Variants in RRM1 observed in about 807,000 individuals in gnomAD.
RRM1 encodes ribonucleoside-diphosphate reductase large subunit.
RRM1 carries 19 observed loss-of-function variants against 101.5 expected under a neutral mutation model. That is an observed-to-expected ratio of 0.19 (90% confidence interval 0.13 to 0.27). RRM1 has a LOEUF of 0.27. Ranked by LOEUF, RRM1 falls within the 10% of genes least tolerant of loss-of-function variation. RRM1 has a pLI of 1.00. For synonymous variants in RRM1, 298 were observed against 323.4 expected, an observed-to-expected ratio of 0.92 and a Z score of 0.84; for missense variants, 500 against 962.9, an observed-to-expected ratio of 0.52 and a Z score of 6.36.
At chr11:4,121,463 C>A in intron 9 of RRM1, 141 bp from the exon 10 acceptor site, 5 of 515,062 alleles carry the variant, frequency 9.7e-6, no homozygotes, top group Middle Eastern at 5.3e-4. Flanking sequence ...GGAAAACTTA[C>A]ACTTTTATAA....
chr11:4,128,359 G>C (rs901158758), intron 14 of RRM1, among the ~76,000 whole-genome samples: 4 of 152,110 alleles, frequency 2.6e-5, no homozygotes, highest in African/African-American at 9.7e-5. Context: ...TGATCCGCCT[G>C]CCTTGGCCTC....
At chr11:4,095,655 C>T (rs528942051) in intron 1 of RRM1, among the ~76,000 whole-genome samples, 209 of 152,298 alleles carry the variant, frequency 1.4e-3, no homozygotes, top group Non-Finnish European at 2.5e-3. Context: ...GGAAGAGATG[C>T]TGAATCAGAG....
At chr11:4,109,959 T>G (rs73419262) in intron 5 of RRM1, among the ~76,000 whole-genome samples, 2,085 of 152,256 alleles carry the variant, frequency 0.014, 42 homozygotes, top group African/African-American at 0.047. Flanking sequence ...CCATAAGTAT[T>G]TCATAACATT....
At chr11:4,099,993 T>A (rs2094548980) in intron 1 of RRM1, among the ~76,000 whole-genome samples, 1 of 152,332 alleles carries the variant, frequency 6.6e-6, no homozygotes, top group South Asian at 2.1e-4. Flanking sequence ...GCTTTGCAGT[T>A]ACCTGCCTGC....
intron 2 of RRM1, among the ~76,000 whole-genome samples, chr11:4,103,930 C>G (rs1259021350): frequency 7.1e-6 from 1 of 141,594 alleles, no homozygotes; most frequent in African/African-American, 2.7e-5. Context: ...TGTGCCTGCC[C>G]TCAACCCTGT....
chr11:4,121,337 C>T (rs2094581556), intron 9 of RRM1, among the ~76,000 whole-genome samples: 1 of 152,144 alleles, frequency 6.6e-6, no homozygotes, highest in Admixed American at 6.5e-5. Context: ...AGAGGAGGCT[C>T]CATCTGTAGT....
rs1010821862 is a variant in RRM1, at chr11:4,094,881, C to T, written c.-132C>T. 2.2e-6 allele frequency: 2 copies of T among 928,034 alleles called. No individual in the cohort carries two copies. Among genetic ancestry groups the T allele is most frequent in the East Asian group, 2.7e-5 (1 of 37,726 alleles). The allele number at this position is 928,034 out of a possible 1,614,324, so 57.5% of individuals were successfully genotyped here. On this transcript the variant is annotated 5_prime_UTR_variant, in exon 1 of 19. Coordinates refer to ENST00000300738, the MANE Select transcript of RRM1 (RefSeq NM_001033.5). ...GCTCTGAAGAAAGTGCTGTCTGGCTCCAACTCCAGTTCTTTCCCCTGAGCA... is the reference window on the plus strand; with the variant it reads ...GCTCTGAAGAAAGTGCTGTCTGGCTTCAACTCCAGTTCTTTCCCCTGAGCA...
intron 14 of RRM1, among the ~76,000 whole-genome samples, chr11:4,128,129 T>C (rs1018268352): frequency 1.5e-4 from 22 of 151,614 alleles, no homozygotes; most frequent in African/African-American, 5.3e-4. Flanking sequence ...TAGGTCCACA[T>C]AGGATAATGT....
chr11:4,099,324 G>GTTTTTT (rs1390618477), intron 1 of RRM1: 1 of 11,944 alleles, frequency 8.4e-5, no homozygotes, highest in Non-Finnish European at 1.9e-4. Flanking sequence ...TGTATTTTTA[G>GTTTTTT]TAGAGATGGG....
intron 8 of RRM1, 45 bp downstream of exon 8, chr11:4,118,506 A>G (rs544423089): frequency 6.2e-7 from 1 of 1,609,434 alleles, no homozygotes; most frequent in South Asian, 1.1e-5. Flanking sequence ...TCAAGTCTAA[A>G]AGCAAACAGA....
rs769895469 is a variant in RRM1, at chr11:4,126,728, C to G, written c.1365C>G (p.Val455=). ...CTTCCCTGGCCCTGAATATGTATGTCACATCAGAACACACATACGACTTTA... is the reference window on the plus strand; with the variant it reads ...CTTCCCTGGCCCTGAATATGTATGTGACATCAGAACACACATACGACTTTA... ...NLASLALNMY[V]TSEHTYDFKK... is the part of the protein sequence containing the mutation. Residue 455 remains valine (V), a synonymous_variant, in exon 13 of 19, where the codon GTC becomes GTG. Transcript: ENST00000300738. The G allele has an allele frequency of 1.2e-6, 2 of 1,613,398 alleles. No homozygotes were observed. Among genetic ancestry groups the G allele is most frequent in the Non-Finnish European group, 1.7e-6 (2 of 1,179,636 alleles).
In RRM1 at chr11:4,133,980, A is replaced by ATTTTTTT. The variant is rs34715101; in HGVS notation, c.2001+340_2001+346dup. ...GTCTAGGAACAGGAACCAGACATCA[A>ATTTTTTT]TTTTTTTTTTTTTTTTTTTTTTTTG... On this transcript the variant is annotated intron_variant, in intron 17 of 18. Transcript: ENST00000300738. Among the ~76,000 whole-genome samples, 439 of 90,858 alleles carry ATTTTTTT rather than the reference A, an allele frequency of 4.8e-3. 24 individuals carry two copies. The highest frequency in any genetic ancestry group is 9.7e-3 in the African/African-American group (215 of 22,206). The allele number at this position is 90,858 out of a possible 152,430, so 59.6% of individuals were successfully genotyped here. A position where few individuals can be genotyped will look rare whatever the true frequency, so the allele number is the denominator to read the frequency against.
At chr11:4,124,140 G>A (rs1390220323) in intron 12 of RRM1, among the ~76,000 whole-genome samples, 1 of 152,158 alleles carries the variant, frequency 6.6e-6, no homozygotes, top group Non-Finnish European at 1.5e-5. Flanking sequence ...GGAGATAGAA[G>A]GTAGAAGCTG....
chr11:4,113,165 A>C (rs529874176), intron 7 of RRM1, among the ~76,000 whole-genome samples: 1 of 152,316 alleles, frequency 6.6e-6, no homozygotes, highest in Non-Finnish European at 1.5e-5. Flanking sequence ...CAGGAATTCA[A>C]GAACATGGTA....
At chr11:4,095,427 C>T (rs1172242977) in intron 1 of RRM1, among the ~76,000 whole-genome samples, 1 of 146,738 alleles carries the variant, frequency 6.8e-6, no homozygotes, top group Non-Finnish European at 1.5e-5. Flanking sequence ...CCCAAAGTCA[C>T]CCATAGGTGA....
At chr11:4,136,881 A>G (rs2094611355) in intron 18 of RRM1, among the ~76,000 whole-genome samples, 1 of 151,796 alleles carries the variant, frequency 6.6e-6, no homozygotes, top group Admixed American at 6.6e-5. Context: ...CAAGTGAACA[A>G]AGGTCTCTGG....
At position 4,106,919 on chromosome 11, in the gene RRM1, G is replaced by A. The variant is rs2094559079; in HGVS notation, c.287-516G>A. On this transcript the variant is annotated intron_variant, in intron 3 of 18. Transcript: ENST00000300738. The stretch of plus-strand genomic sequence containing the variant: ...ATTTTTTTATTTTTTTTGAGATAAA[G>A]TTTTGCTCTTATCGCCTAGGCTGGA... 2.6e-5 allele frequency among the ~76,000 whole-genome samples: 4 copies of A among 151,528 alleles called. No individual in the cohort carries two copies. In the South Asian group the frequency reaches 8.3e-4, roughly 31 times the overall value.
In RRM1 at chr11:4,122,125, G is replaced by C. The variant is rs749771721; in HGVS notation, c.1039-16G>C. 1.2e-6 allele frequency: 2 copies of C among 1,601,798 alleles called. No homozygotes were observed. Among genetic ancestry groups the C allele is most frequent in the South Asian group, 2.2e-5 (2 of 89,614 alleles). Reference sequence around the variant, plus strand: ...TTTGAAGTTTCTTATGAGTGATTTTGTCCTTTCCTTTTTAGGACTGGTCTT... The same window carrying C: ...TTTGAAGTTTCTTATGAGTGATTTTCTCCTTTCCTTTTTAGGACTGGTCTT... On this transcript the variant is annotated splice_polypyrimidine_tract_variant and intron_variant, in intron 10 of 18. Transcript: ENST00000300738.
intron 12 of RRM1, among the ~76,000 whole-genome samples, chr11:4,124,920 ATT>A (rs561272177): frequency 3.6e-5 from 3 of 83,604 alleles, no homozygotes; most frequent in South Asian, 3.6e-4. Context: ...TATTTATTTT[ATT>A]TTTTTTTTTT....
Sources: gnomAD v4.1 joint callset for allele counts (sites outside exome capture counted in the v4.1 genomes callset) on GRCh38, gnomAD v4.1.1 for gene constraint, MANE v1.5 for transcripts, NCBI Gene and HGNC (gene_info 2026-07-23, HGNC 2026-07-21) for gene names.